MNAT1: variants seen among roughly 807,000 people sequenced by gnomAD.
MNAT1 encodes MNAT1 component of CDK activating kinase.
Under a neutral mutation model 42.0 loss-of-function variants are expected in MNAT1, and 43 were observed. The observed-to-expected ratio is 1.02, with a 90% confidence interval of 0.80 to 1.32. The LOEUF is 1.32. Ranked by LOEUF, MNAT1 falls within the 40% of genes most tolerant of loss-of-function variation. The pLI, the probability that MNAT1 is intolerant of heterozygous loss-of-function variation, is 0.00. For missense variants in MNAT1, 306 were observed against 350.4 expected (o/e 0.87, Z 1.01); for synonymous variants, 118 against 120.0 (o/e 0.98, Z 0.11).
intron 6 of MNAT1, among the ~76,000 whole-genome samples, chr14:60,819,850 G>A (rs1259864173): frequency 6.6e-6 from 1 of 151,958 alleles, no homozygotes; most frequent in African/African-American, 2.4e-5. Flanking sequence ...TGATAATACT[G>A]ATCTCATAAA....
chr14:60,787,765 C>T (rs1017017268), intron 1 of MNAT1, among the ~76,000 whole-genome samples: 1 of 152,064 alleles, frequency 6.6e-6, no homozygotes, highest in Non-Finnish European at 1.5e-5. Context: ...CTAAGAAGCC[C>T]AAACTCCTCA....
chr14:60,898,294 G>A (rs1176855958), intron 7 of MNAT1, among the ~76,000 whole-genome samples: 3 of 152,110 alleles, frequency 2.0e-5, no homozygotes, highest in Non-Finnish European at 2.9e-5. Flanking sequence ...ATACCCAGTA[G>A]TGGGATTGCT....
intron 7 of MNAT1, among the ~76,000 whole-genome samples, chr14:60,940,130 G>C (rs2036109581): frequency 6.6e-6 from 1 of 152,084 alleles, no homozygotes; most frequent in African/African-American, 2.4e-5. Context: ...GTGTGTCTCT[G>C]CACGTGAGAT....
intron 1 of MNAT1, among the ~76,000 whole-genome samples, chr14:60,767,210 G>A (rs754714662): frequency 6.6e-6 from 1 of 152,198 alleles, no homozygotes; most frequent in Non-Finnish European, 1.5e-5. Flanking sequence ...AAGTGGAGGA[G>A]CATTTCAATG....
At chr14:60,802,148 C>T (rs745886977) in intron 3 of MNAT1, among the ~76,000 whole-genome samples, 7 of 151,918 alleles carry the variant, frequency 4.6e-5, no homozygotes, top group Admixed American at 3.3e-4. Context: ...GAAAGGGGAG[C>T]TGTATGGAGT....
intron 7 of MNAT1, among the ~76,000 whole-genome samples, chr14:60,940,839 C>A (rs1594895135): frequency 6.6e-6 from 1 of 152,006 alleles, no homozygotes; most frequent in African/African-American, 2.4e-5. Context: ...CAAATCTCTT[C>A]AACATTACAG....
chr14:60,887,974 A>T (rs1225415071), intron 7 of MNAT1, among the ~76,000 whole-genome samples: 3 of 150,292 alleles, frequency 2.0e-5, no homozygotes, highest in African/African-American at 7.4e-5. Context: ...CCAACCAAAA[A>T]GAGTCCAGGA....
intron 1 of MNAT1, chr14:60,780,633 A>G (rs2031424555): frequency 8.1e-6 from 10 of 1,239,556 alleles, no homozygotes; most frequent in Non-Finnish European, 1.1e-5. Flanking sequence ...TAATTTTGAA[A>G]TGTGGTTTTC....
intron 1 of MNAT1, among the ~76,000 whole-genome samples, chr14:60,762,225 G>C (rs1307170177): frequency 6.6e-6 from 1 of 152,012 alleles, no homozygotes; most frequent in Non-Finnish European, 1.5e-5. Flanking sequence ...CAAAATCTCA[G>C]GAGGAAAAAA....
At position 60,898,058 on chromosome 14, in the gene MNAT1, G is replaced by A. The variant is rs546032478; in HGVS notation, c.809+18223G>A. Among the ~76,000 whole-genome samples the A allele has an allele frequency of 5.9e-5, 9 of 151,342 alleles. No homozygotes were observed. In the East Asian group the frequency reaches 1.2e-3, roughly 20 times the overall value. ...TTCCCTCCATGTTGCTGCAAATGAC[G>A]TGGTTTAATTCCTTTGAATGGCTAA... On this transcript the variant is annotated intron_variant, in intron 7 of 7. Transcript: ENST00000261245.
At chr14:60,855,266 T>C (rs554636469) in intron 6 of MNAT1, among the ~76,000 whole-genome samples, 1 of 152,158 alleles carries the variant, frequency 6.6e-6, no homozygotes, top group East Asian at 1.9e-4. Context: ...GAGTGGGACT[T>C]GCTGAATGAG....
intron 7 of MNAT1, among the ~76,000 whole-genome samples, chr14:60,886,210 A>G (rs187795670): frequency 4.7e-4 from 71 of 151,974 alleles, no homozygotes; most frequent in African/African-American, 1.6e-3. Flanking sequence ...TTCCTTTTCA[A>G]GGCTGTTTTG....
chr14:60,779,416 T>C (rs1253537874), intron 1 of MNAT1, among the ~76,000 whole-genome samples: 1 of 152,168 alleles, frequency 6.6e-6, no homozygotes, highest in East Asian at 1.9e-4. Context: ...GGCCAGGAAA[T>C]CAACTACAGC....
chr14:60,926,178 T>TA (rs1216518224), intron 7 of MNAT1, among the ~76,000 whole-genome samples: 1 of 152,118 alleles, frequency 6.6e-6, no homozygotes, highest in Non-Finnish European at 1.5e-5. Context: ...TTGAAAGAGA[T>TA]ATGAAAAAAA....
intron 7 of MNAT1, among the ~76,000 whole-genome samples, chr14:60,939,495 T>C (rs1267320944): frequency 2.0e-5 from 3 of 152,222 alleles, no homozygotes; most frequent in African/African-American, 7.2e-5. Flanking sequence ...ATGTACCCAG[T>C]AGTCATTCAG....
At chr14:60,903,788 A>G (rs1947643602) in intron 7 of MNAT1, among the ~76,000 whole-genome samples, 1 of 150,200 alleles carries the variant, frequency 6.7e-6, no homozygotes, top group South Asian at 2.1e-4. Flanking sequence ...GACTTATTAT[A>G]TATGGATTGT....
At chr14:60,870,332 C>A (rs2034301260) in intron 6 of MNAT1, among the ~76,000 whole-genome samples, 1 of 152,074 alleles carries the variant, frequency 6.6e-6, no homozygotes, top group African/African-American at 2.4e-5. Context: ...ATGCGTTTCC[C>A]CCCAGGTATG....
intron 1 of MNAT1, among the ~76,000 whole-genome samples, chr14:60,750,587 G>A (rs2140292380): frequency 7.3e-6 from 1 of 137,708 alleles, no homozygotes; most frequent in South Asian, 2.4e-4. Context: ...TATAGTTATA[G>A]AAATATTCTT....
intron 7 of MNAT1, among the ~76,000 whole-genome samples, chr14:60,901,731 A>G (rs182034271): frequency 6.6e-6 from 1 of 152,366 alleles, no homozygotes; most frequent in Non-Finnish European, 1.5e-5. Context: ...CAAGAAAACT[A>G]GAATTAGCCG....
Sources: gnomAD v4.1 joint callset for allele counts (sites outside exome capture counted in the v4.1 genomes callset) on GRCh38, gnomAD v4.1.1 for gene constraint, MANE v1.5 for transcripts, NCBI Gene and HGNC (gene_info 2026-07-23, HGNC 2026-07-21) for gene names.